Variants in ST8SIA1 observed in about 807,000 individuals in gnomAD.
ST8SIA1 encodes the protein ST8 alpha-N-acetyl-neuraminide alpha-2,8-sialyltransferase 1, also known as alpha-N-acetylneuraminide alpha-2,8-sialyltransferase.
A neutral mutation model predicts 35.9 loss-of-function variants in ST8SIA1; 16 were observed. The ratio of observed to expected loss-of-function variants is 0.45; its 90% confidence interval spans 0.30 to 0.68. The LOEUF (loss-of-function observed/expected upper bound fraction) is 0.68, where lower values mean the gene tolerates loss of function less well. Among genes scored for constraint, ST8SIA1 ranks in the 30% least tolerant of loss-of-function variants. ST8SIA1 has a pLI of 0.09. For synonymous variants in ST8SIA1, 170 were observed against 169.6 expected (o/e 1.00, Z -0.02); for missense variants, 383 against 453.6 (o/e 0.84, Z 1.41).
intron 1 of ST8SIA1, among the ~76,000 whole-genome samples, chr12:22,321,002 AGAAG>A (rs1866589140): frequency 1.2e-5 from 1 of 86,544 alleles, no homozygotes; most frequent in Non-Finnish European, 2.4e-5. Flanking sequence ...AAAGAAAGAA[AGAAG>A]AAAGAAAGAA....
At chr12:22,313,863 C>A (rs547923432) in intron 1 of ST8SIA1, among the ~76,000 whole-genome samples, 41 of 152,142 alleles carry the variant, frequency 2.7e-4, no homozygotes, top group Non-Finnish European at 5.6e-4. Context: ...AACTTATGCC[C>A]TGGTATTTGC....
chr12:22,242,343 G>A (rs950059026), intron 4 of ST8SIA1, among the ~76,000 whole-genome samples: 11 of 152,020 alleles, frequency 7.2e-5, no homozygotes, highest in African/African-American at 2.2e-4. Flanking sequence ...GTAGTCCATC[G>A]TCCATCTTTT....
intron 1 of ST8SIA1, among the ~76,000 whole-genome samples, chr12:22,318,075 TA>T (rs1866542013): frequency 6.6e-6 from 1 of 152,206 alleles, no homozygotes; most frequent in Non-Finnish European, 1.5e-5. Flanking sequence ...ATCAAAATGT[TA>T]ACATTATTTA....
At chr12:22,272,065 G>A (rs1167950838) in intron 2 of ST8SIA1, among the ~76,000 whole-genome samples, 1 of 151,966 alleles carries the variant, frequency 6.6e-6, no homozygotes, top group Non-Finnish European at 1.5e-5. Context: ...ATTTTCCTAA[G>A]CCCAAATCTT....
Position 22,197,106 on chromosome 12 carries a change from T to C in ST8SIA1, c.*4446A>G, listed in dbSNP as rs1864998247. ...ACTTTATTAGAGGTTTTGACCTAGGTTGCCAGGCCTTGAAATTGTTAACCC... is the reference window on the plus strand; with the variant it reads ...ACTTTATTAGAGGTTTTGACCTAGGCTGCCAGGCCTTGAAATTGTTAACCC... On this transcript the variant is annotated 3_prime_UTR_variant, in exon 5 of 5. Transcript: ENST00000396037. 1.3e-5 allele frequency: 2 copies of C among 152,202 alleles called. No individual in the cohort carries two copies. Among genetic ancestry groups the C allele is most frequent in the South Asian group, 2.1e-4 (1 of 4,824 alleles). The allele number at this position is 152,202 out of a possible 1,614,324, so 9.4% of individuals were successfully genotyped here.
rs796117509 is a variant in ST8SIA1 at position 22,195,487 on chromosome 12, C to T, written c.*6065G>A. The T allele has an allele frequency of 2.5e-4, 38 of 152,234 alleles. No homozygotes were observed. The highest frequency in any genetic ancestry group is 8.7e-4 in the African/African-American group (36 of 41,524). 9.4% of individuals were successfully genotyped at this position (152,234 alleles called of 1,614,324 possible). On this transcript the variant is annotated 3_prime_UTR_variant, in exon 5 of 5. Coordinates refer to ENST00000396037, the MANE Select transcript of ST8SIA1 (RefSeq NM_003034.4). The stretch of plus-strand genomic sequence containing the variant: ...TTGTAACCAGGTAAAAGCAGGAACA[C>T]AGTCCCCCATTACCACAAATTATGC...
At chr12:22,246,948 C>A (rs539901691) in intron 4 of ST8SIA1, among the ~76,000 whole-genome samples, 15 of 152,164 alleles carry the variant, frequency 9.9e-5, no homozygotes, top group African/African-American at 3.6e-4. Context: ...CTTGTCCATG[C>A]GTGTTTTCTT....
intron 4 of ST8SIA1, among the ~76,000 whole-genome samples, chr12:22,225,564 C>A (rs1210925489): frequency 6.6e-6 from 1 of 152,156 alleles, no homozygotes; most frequent in Non-Finnish European, 1.5e-5. Context: ...CTTGTAAACA[C>A]CTATGTTAAA....
Position 22,193,561 on chromosome 12 carries a change from G to A in ST8SIA1, c.*7991C>T, listed in dbSNP as rs1864948859. The A allele has an allele frequency of 6.6e-6, 1 of 152,158 alleles. No individual in the cohort carries two copies. The highest frequency in any genetic ancestry group is 1.5e-5 in the Non-Finnish European group (1 of 68,034). 9.4% of individuals were successfully genotyped at this position (152,158 alleles called of 1,614,324 possible). On this transcript the variant is annotated 3_prime_UTR_variant, in exon 5 of 5. Coordinates refer to ENST00000396037, the MANE Select transcript of ST8SIA1 (RefSeq NM_003034.4). The stretch of plus-strand genomic sequence containing the variant: ...ACCTCCTCCTATGACATTGCATTTA[G>A]ATTCGGTGGAAAGAAGCAAGTCAGC...
chr12:22,208,428 A>G (rs1019983995), intron 4 of ST8SIA1, among the ~76,000 whole-genome samples: 25 of 152,134 alleles, frequency 1.6e-4, no homozygotes, highest in African/African-American at 5.8e-4. Flanking sequence ...TCATATATTA[A>G]AATAATACAA....
chr12:22,307,080 C>T (rs1481504596), intron 1 of ST8SIA1, among the ~76,000 whole-genome samples: 1 of 151,998 alleles, frequency 6.6e-6, no homozygotes, highest in Non-Finnish European at 1.5e-5. Context: ...TCCTGCTTGT[C>T]TGTTTTCTGT....
chr12:22,252,173 T>C (rs1049203840), intron 3 of ST8SIA1, among the ~76,000 whole-genome samples: 1 of 152,198 alleles, frequency 6.6e-6, no homozygotes, highest in African/African-American at 2.4e-5. Flanking sequence ...AATTATGAAA[T>C]TATTATATCC....
intron 1 of ST8SIA1, among the ~76,000 whole-genome samples, chr12:22,305,441 C>A (rs898332748): frequency 6.8e-6 from 1 of 146,442 alleles, no homozygotes; most frequent in East Asian, 2.0e-4. Context: ...AGTGCAATGG[C>A]GTGCTCTCAG....
At chr12:22,326,029 G>A in intron 1 of ST8SIA1, 1 of 469,236 alleles carries the variant, frequency 2.1e-6, no homozygotes, top group East Asian at 3.4e-5. Context: ...TAAAACTTAT[G>A]AATTGTTTAT....
chr12:22,194,485 C>G lies in ST8SIA1; in HGVS notation c.*7067G>C, dbSNP rs1179449831. The G allele has an allele frequency of 6.6e-6, 1 of 152,182 alleles. No homozygotes were observed. Among genetic ancestry groups the G allele is most frequent in the Admixed American group, 6.5e-5 (1 of 15,274 alleles). 9.4% of individuals were successfully genotyped at this position (152,182 alleles called of 1,614,324 possible). A position where few individuals can be genotyped will look rare whatever the true frequency, so the allele number is the denominator to read the frequency against. ...CAACTTGGAACAGACATGATTACAT[C>G]TCTAAAGTGACAGAGGTATATGAAG... On this transcript the variant is annotated 3_prime_UTR_variant, in exon 5 of 5. Transcript: ENST00000396037.
intron 2 of ST8SIA1, among the ~76,000 whole-genome samples, chr12:22,278,999 T>A (rs763597185): frequency 6.6e-6 from 1 of 152,188 alleles, no homozygotes; most frequent in Non-Finnish European, 1.5e-5. Flanking sequence ...ATCCTCTCCT[T>A]ACACTTAGTT....
At chr12:22,326,591 C>T (rs1293825592) in intron 1 of ST8SIA1, among the ~76,000 whole-genome samples, 1 of 152,180 alleles carries the variant, frequency 6.6e-6, no homozygotes, top group African/African-American at 2.4e-5. Flanking sequence ...AGGATTAGAT[C>T]CTTATCTCTG....
rs143113667 is a variant in ST8SIA1 at position 22,311,520 on chromosome 12, T to C, written c.236+22477A>G. ...TGTCTCTGGCAAAATGAGGAAAATATAGGCAATGTGTGAGGTTTTCATAGT... is the reference window on the plus strand; with the variant it reads ...TGTCTCTGGCAAAATGAGGAAAATACAGGCAATGTGTGAGGTTTTCATAGT... On this transcript the variant is annotated intron_variant, in intron 1 of 4. Transcript: ENST00000396037. Among the ~76,000 whole-genome samples, 21 of 152,296 alleles carry C rather than the reference T, an allele frequency of 1.4e-4. No homozygotes were observed. The East Asian group carries it at 3.5e-3, about 25-fold the overall frequency.
intron 1 of ST8SIA1, among the ~76,000 whole-genome samples, chr12:22,305,025 A>G (rs1326900520): frequency 6.6e-6 from 1 of 152,192 alleles, no homozygotes; most frequent in Non-Finnish European, 1.5e-5. Flanking sequence ...TTAGCTGACA[A>G]CTGCCAGAGT....
Sources: allele counts gnomAD v4.1 joint callset (sites outside exome capture counted in the v4.1 genomes callset), GRCh38; gene constraint gnomAD v4.1.1; transcripts MANE v1.5; gene names NCBI Gene and HGNC (gene_info 2026-07-23, HGNC 2026-07-21).